Variants in NCAPH2 observed in about 807,000 individuals in gnomAD.
The protein encoded by NCAPH2 is non-SMC condensin II complex subunit H2, also known as condensin-2 complex subunit H2.
NCAPH2 carries 56 observed loss-of-function variants against 88.6 expected under a neutral mutation model. The ratio of observed to expected loss-of-function variants is 0.63; its 90% CI spans 0.51 to 0.79. The LOEUF (loss-of-function observed/expected upper bound fraction) is 0.79, where lower values mean the gene tolerates loss of function less well. Among genes scored for constraint, NCAPH2 ranks in the 30% least tolerant of loss-of-function variants. The pLI is 0.00. For missense variants in NCAPH2, 794 were observed against 792.0 expected, an observed-to-expected ratio of 1.00 and a Z score of -0.03; for synonymous variants, 378 against 313.6, an observed-to-expected ratio of 1.21 and a Z score of -2.17.
chr22:50,518,569 GGAGAGGCTTGTT>G, intron 7 of NCAPH2, 68 bp from the exon 8 acceptor site: 1 of 1,404,776 alleles, frequency 7.1e-7, no homozygotes, highest in South Asian at 1.3e-5. Flanking sequence ...CTGGCCCCTT[GGAGAGGCTTGTT>G]GAACACCGGG....
chr22:50,522,482 C>T lies in NCAPH2; in HGVS notation c.1307-19C>T. 1.2e-6 allele frequency: 2 copies of T among 1,613,700 alleles called. No individual in the cohort carries two copies. Among genetic ancestry groups the T allele is most frequent in the Non-Finnish European group, 1.7e-6 (2 of 1,180,000 alleles). On this transcript the variant is annotated intron_variant, in intron 15 of 19. Coordinates refer to ENST00000420993, the MANE Select transcript of NCAPH2 (RefSeq NM_152299.4). ...CGACTAGCTGCCTGCGTGCTGTTCA[C>T]TCTCCCACCTCCCAGCAGATGACTT...
chr22:50,519,664 G>A, intron 9 of NCAPH2: 2 of 1,138,598 alleles, frequency 1.8e-6, no homozygotes, highest in Non-Finnish European at 2.2e-6. Flanking sequence ...GGAGGCCATT[G>A]CTGCCTCCCT....
chr22:50,519,792 G>C lies in NCAPH2; in HGVS notation c.861+472G>C, dbSNP rs536714074. The C allele has an allele frequency of 2.2e-5, 21 of 960,296 alleles. No individual in the cohort carries two copies. The South Asian group carries it at 1.0e-3, about 46-fold the overall frequency. 59.5% of individuals were successfully genotyped at this position (960,296 alleles called of 1,614,324 possible). Reference sequence around the variant, plus strand: ...ATGTTAACGTTTCTTCACTCTAGTTGGTAGATGGCATGGATATTTGTCATA... The same window carrying C: ...ATGTTAACGTTTCTTCACTCTAGTTCGTAGATGGCATGGATATTTGTCATA... On this transcript the variant is annotated intron_variant, in intron 9 of 19. Coordinates refer to ENST00000420993, the MANE Select transcript of NCAPH2 (RefSeq NM_152299.4).
At position 50,508,416 on chromosome 22, in the gene NCAPH2, G is replaced by T. The variant is rs907524365; in HGVS notation, c.79G>T (p.Ala27Ser). 19 of 1,467,992 alleles carry T rather than the reference G, an allele frequency of 1.3e-5. No homozygotes were observed. The highest frequency in any genetic ancestry group is 1.7e-5 in the Non-Finnish European group (19 of 1,110,604). 90.9% of individuals were successfully genotyped at this position (1,467,992 alleles called of 1,614,324 possible). The change falls in exon 1 of 20, where the codon GCG (alanine) becomes TCG (serine). Residue 27 changes from alanine to serine, a missense_variant. Physicochemically the swap from Ala to Ser is moderately conservative, Grantham distance 99. Transcript: ENST00000420993. The stretch of plus-strand genomic sequence containing the variant: ...CACCAAGAACTGGGAGGTGGACGTG[G>T]CGGCCCAGCTGGGCGAGTATCTGGA... ...DLTKNWEVDV[A>S]AQLGEYLEEL... is the part of the protein sequence containing the mutation.
chr22:50,517,803 G>C lies in NCAPH2; in HGVS notation c.414G>C (p.Thr138=). ...ACGTGGATCTCAAGAATGATCAGAC[G>C]CCCAGTGTGAGTCCTGGCCTGGCCC... ...RTNVDLKNDQ[T]PSEVLIIPLL... is the part of the protein sequence containing the mutation. The change falls in exon 5 of 20, where the codon ACG becomes ACC. Residue 138 remains threonine, a synonymous_variant. Transcript: ENST00000420993. The C allele has an allele frequency of 6.2e-7, 1 of 1,613,822 alleles. No individual in the cohort carries two copies. Among genetic ancestry groups the C allele is most frequent in the South Asian group, 1.1e-5 (1 of 91,066 alleles).
At chr22:50,514,101 C>T (rs192684883) in intron 1 of NCAPH2, among the ~76,000 whole-genome samples, 11 of 152,134 alleles carry the variant, frequency 7.2e-5, no homozygotes, top group Admixed American at 2.0e-4. Context: ...AGTGAGACTC[C>T]GTCTCAAACA....
intron 1 of NCAPH2, among the ~76,000 whole-genome samples, chr22:50,512,557 GTT>G (rs1352349370): frequency 9.7e-6 from 1 of 103,422 alleles, no homozygotes; most frequent in African/African-American, 3.1e-5. Context: ...TTTTTTTTTT[GTT>G]TTTTTTTTTT....
Position 50,521,802 on chromosome 22 carries a change from G to C in NCAPH2, c.1062G>C (p.Lys354Asn). The change falls in exon 12 of 20, where the codon AAG becomes AAC. Residue 354 changes from lysine to asparagine, a missense_variant. Lys to Asn is a moderately conservative substitution (Grantham distance 94). Around this residue, in one of 2 missense-constraint regions of NCAPH2, gnomAD observed 735 missense variants for 696.3 expected, o/e 1.06. Coordinates refer to ENST00000420993, the MANE Select transcript of NCAPH2 (RefSeq NM_152299.4). The stretch of plus-strand genomic sequence containing the variant: ...CTCTGGGACAGAAGCGCAAGAGGAA[G>C]GGCGCTGCCAAGCTGCAGGACTTCC... ...EEALGQKRKRKGAAKLQDFHQ... is the reference protein window; with the variant it reads ...EEALGQKRKRNGAAKLQDFHQ... 3 of 1,613,946 alleles carry C rather than the reference G, an allele frequency of 1.9e-6. No homozygotes were observed. Among genetic ancestry groups the C allele is most frequent in the Non-Finnish European group, 2.5e-6 (3 of 1,180,026 alleles).
chr22:50,516,165 G>A (rs2068916558), intron 1 of NCAPH2, among the ~76,000 whole-genome samples: 1 of 152,258 alleles, frequency 6.6e-6, no homozygotes, highest in African/African-American at 2.4e-5. Context: ...AGCCTCTGGC[G>A]CCTTGTGGAG....
Position 50,517,764 on chromosome 22 carries a change from TGACTCCCG to T in NCAPH2, c.380_387del (p.Ser127Ter), listed in dbSNP as rs753038408. 6.2e-7 allele frequency: 1 copy of T among 1,613,914 alleles called. No homozygotes were observed. Among genetic ancestry groups the T allele is most frequent in the Non-Finnish European group, 8.5e-7 (1 of 1,180,052 alleles). ...AGTTCCTGTCGCTGGATGACTTCCC[TGACTCCCG>T]GACTAACGTGGATCTCAAGAATGAT... is the stretch of plus-strand genomic sequence containing the variant. On this transcript the variant is annotated frameshift_variant, in exon 5 of 20. Transcript: ENST00000420993. LOFTEE classifies it high-confidence loss of function.
intron 13 of NCAPH2, 44 bp downstream of exon 13, chr22:50,522,083 C>T: frequency 6.2e-7 from 1 of 1,613,512 alleles, no homozygotes; most frequent in Non-Finnish European, 8.5e-7. Flanking sequence ...CTCTCCTTCC[C>T]CTACCTCTTC....
chr22:50,522,592 G>C (rs1381106754), intron 16 of NCAPH2, 23 bp downstream of exon 16: 1 of 1,613,676 alleles, frequency 6.2e-7, no homozygotes, highest in Admixed American at 1.7e-5. Context: ...CGGGCTAGGA[G>C]TGCTGAGGGG....
At chr22:50,512,109 A>G (rs1603440463) in intron 1 of NCAPH2, among the ~76,000 whole-genome samples, 1 of 152,274 alleles carries the variant, frequency 6.6e-6, no homozygotes, top group East Asian at 1.9e-4. Flanking sequence ...CAACTCATTT[A>G]CCTGTTTGTG....
intron 10 of NCAPH2, 115 bp from the exon 11 acceptor site, chr22:50,521,428 G>T: frequency 9.2e-7 from 1 of 1,090,712 alleles, no homozygotes. Context: ...TTGGGAGCGC[G>T]GCTGTGTACC....
At chr22:50,520,748 G>C (rs1313941012) in intron 9 of NCAPH2, 1 of 523,326 alleles carries the variant, frequency 1.9e-6, no homozygotes, top group Non-Finnish European at 3.4e-6. Flanking sequence ...TTTTAGTAGA[G>C]GCGGGGGTTT....
chr22:50,519,156 C>T, intron 8 of NCAPH2, 34 bp from the exon 9 acceptor site: 1 of 1,570,264 alleles, frequency 6.4e-7, no homozygotes, highest in Non-Finnish European at 8.6e-7. Flanking sequence ...CTCGGCACTC[C>T]TTGGAGCTGA....
chr22:50,516,292 G>A (rs1264688678), intron 1 of NCAPH2, among the ~76,000 whole-genome samples, 155 bp from the exon 2 acceptor site: 2 of 152,150 alleles, frequency 1.3e-5, no homozygotes, highest in East Asian at 1.9e-4. Context: ...TCTCTGCCCC[G>A]AAATACCAGG....
intron 7 of NCAPH2, 147 bp from the exon 8 acceptor site, chr22:50,518,502 G>A (rs2068992265): frequency 2.9e-6 from 3 of 1,028,410 alleles, no homozygotes; most frequent in Non-Finnish European, 4.2e-6. Context: ...CCTGGCTCAG[G>A]GCCCTGCTGT....
At chr22:50,517,851 G>A (rs2068971888) in intron 5 of NCAPH2, 42 bp downstream of exon 5, 2 of 1,609,302 alleles carry the variant, frequency 1.2e-6, no homozygotes, top group African/African-American at 2.7e-5. Context: ...GGTGAGGTCA[G>A]CACTTTCCCT....
Sources: gnomAD v4.1 joint callset for allele counts (sites outside exome capture counted in the v4.1 genomes callset) on GRCh38, gnomAD v4.1.1 for gene constraint, gnomAD v4.1.1 regional missense constraint, MANE v1.5 for transcripts, NCBI Gene and HGNC (gene_info 2026-07-23, HGNC 2026-07-21) for gene names.